ATP8A1: variants seen among roughly 807,000 people sequenced by gnomAD.
ATP8A1 encodes phospholipid-transporting ATPase IA.
In ATP8A1, 90 loss-of-function variants were observed where a neutral mutation model predicts 177.7. The observed-to-expected ratio is 0.51, with a 90% CI of 0.43 to 0.60. The LOEUF is 0.60. ATP8A1 is among the 20% of genes least tolerant of loss of function. The pLI, the probability that ATP8A1 is intolerant of heterozygous loss-of-function variation, is 0.00. For missense variants in ATP8A1, 1,072 were observed against 1,392.8 expected, an observed-to-expected ratio of 0.77 and a Z score of 3.67; for synonymous variants, 493 against 485.9, an observed-to-expected ratio of 1.01 and a Z score of -0.19.
rs117772721 is a variant in ATP8A1 at position 42,511,178 on chromosome 4, T to C, written c.1948-4024A>G. Among the ~76,000 whole-genome samples, 22 of 152,226 alleles carry C rather than the reference T, an allele frequency of 1.4e-4. No individual in the cohort carries two copies. In the East Asian group the frequency reaches 4.1e-3, roughly 28 times the overall value. Reference sequence around the variant, plus strand: ...CCTTTTGCCCTGGTATCATTTATGGTGAGATCAGAATCTTGAGTGATGGGC... The same window carrying C: ...CCTTTTGCCCTGGTATCATTTATGGCGAGATCAGAATCTTGAGTGATGGGC... On this transcript the variant is annotated intron_variant, in intron 22 of 36. Transcript: ENST00000381668.
At chr4:42,634,250 C>T (rs913284613) in intron 1 of ATP8A1, among the ~76,000 whole-genome samples, 3 of 152,200 alleles carry the variant, frequency 2.0e-5, no homozygotes, top group Admixed American at 1.3e-4. Context: ...CATAGTACTA[C>T]TGCCTGGTGC....
rs2153199456 is a variant in ATP8A1, at chr4:42,524,839, T to C, written c.1731A>G (p.Val577=). 6.2e-7 allele frequency: 1 copy of C among 1,606,810 alleles called. No homozygotes were observed. The change falls in exon 21 of 37, where the codon GTA becomes GTG. Residue 577 remains valine (V), a synonymous_variant. Transcript: ENST00000381668. The stretch of plus-strand genomic sequence containing the variant: ...ACGTCTCTGCCAGTCGATCATAAAT[T>C]ACAGTGTCCTGGAAAACAAACAGAG... ...LRLYCKGADT[V]IYDRLAETSK...
At chr4:42,432,233 T>C (rs1287030115) in intron 33 of ATP8A1, among the ~76,000 whole-genome samples, 1 of 152,070 alleles carries the variant, frequency 6.6e-6, no homozygotes, top group Non-Finnish European at 1.5e-5. Flanking sequence ...ACTGGAGAAA[T>C]CCACAACTTT....
At chr4:42,469,660 C>T (rs1023255798) in intron 25 of ATP8A1, among the ~76,000 whole-genome samples, 1 of 152,084 alleles carries the variant, frequency 6.6e-6, no homozygotes, top group East Asian at 1.9e-4. Flanking sequence ...TTGACTTGGC[C>T]TTTGAAAGGA....
intron 33 of ATP8A1, among the ~76,000 whole-genome samples, chr4:42,442,897 T>G (rs900050656): frequency 7.2e-5 from 11 of 152,210 alleles, no homozygotes; most frequent in Admixed American, 6.5e-4. Context: ...ATACATTTTA[T>G]GTCAAATTTC....
At chr4:42,573,502 T>C (rs1732110796) in intron 14 of ATP8A1, among the ~76,000 whole-genome samples, 1 of 152,126 alleles carries the variant, frequency 6.6e-6, no homozygotes, top group Non-Finnish European at 1.5e-5. Context: ...AGAAGAAAGA[T>C]GAAAAACAGC....
chr4:42,555,126 TATCTATCTATCTA>T (rs1412931457), intron 16 of ATP8A1, among the ~76,000 whole-genome samples: 161 of 79,830 alleles, frequency 2.0e-3, no homozygotes, highest in East Asian at 4.7e-3. Context: ...TCTATCTATC[TATCTATCTATCTA>T]ATCTATCTAT....
chr4:42,445,484 T>C lies in ATP8A1; in HGVS notation c.2959-850A>G, dbSNP rs375938035. On this transcript the variant is annotated intron_variant, in intron 31 of 36. Transcript: ENST00000381668. ...ATGGAATATTATTTATTTATAATAA[T>C]ACAATCTTAAATATTGTTAGTCGTC... Among the ~76,000 whole-genome samples, 24 of 152,324 alleles carry C rather than the reference T, an allele frequency of 1.6e-4. No individual in the cohort carries two copies. In the South Asian group the frequency reaches 4.3e-3, roughly 28 times the overall value.
intron 1 of ATP8A1, among the ~76,000 whole-genome samples, chr4:42,631,583 T>C (rs575721816): frequency 2.6e-5 from 4 of 152,300 alleles, no homozygotes; most frequent in Admixed American, 2.6e-4. Context: ...TAAAAGTTTG[T>C]TGCAATATCT....
chr4:42,460,379 C>CTTTTTTT, intron 27 of ATP8A1, among the ~76,000 whole-genome samples: 1 of 94,542 alleles, frequency 1.1e-5, no homozygotes, highest in Non-Finnish European at 2.0e-5. Context: ...ATGGATGGAT[C>CTTTTTTT]TTTTTTTTTT....
chr4:42,543,890 C>T (rs774493476), intron 20 of ATP8A1, 27 bp downstream of exon 20: 1 of 1,517,144 alleles, frequency 6.6e-7, no homozygotes, highest in Non-Finnish European at 9.0e-7. Context: ...TAAATTATAA[C>T]TGTAAAAAAT....
intron 1 of ATP8A1, among the ~76,000 whole-genome samples, chr4:42,635,651 A>T (rs1739194423): frequency 6.6e-6 from 1 of 151,344 alleles, no homozygotes; most frequent in African/African-American, 2.4e-5. Flanking sequence ...AAGGCTTAAT[A>T]ATTGAAAGTC....
intron 21 of ATP8A1, 28 bp downstream of exon 21, chr4:42,524,735 T>C (rs1458449599): frequency 1.4e-6 from 2 of 1,437,332 alleles, no homozygotes; most frequent in Admixed American, 1.7e-5. Flanking sequence ...TGTATTTTAA[T>C]CATGCTTTAT....
chr4:42,437,892 G>A (rs751969723), intron 33 of ATP8A1, among the ~76,000 whole-genome samples: 2 of 152,154 alleles, frequency 1.3e-5, no homozygotes, highest in African/African-American at 2.4e-5. Context: ...CAGAATGAGC[G>A]GAAGCAAAAG....
chr4:42,637,741 C>T (rs1254174983), intron 1 of ATP8A1, among the ~76,000 whole-genome samples: 1 of 152,186 alleles, frequency 6.6e-6, no homozygotes, highest in African/African-American at 2.4e-5. Context: ...CCTCACCTCT[C>T]CCTTTAACTC....
chr4:42,611,597 C>A (rs550781667), intron 5 of ATP8A1, among the ~76,000 whole-genome samples: 1 of 143,580 alleles, frequency 7.0e-6, no homozygotes, highest in East Asian at 1.9e-4. Flanking sequence ...TTAGTTTGCA[C>A]CTGAACTCCA....
At chr4:42,583,120 C>G (rs1437508627) in intron 9 of ATP8A1, among the ~76,000 whole-genome samples, 1 of 152,162 alleles carries the variant, frequency 6.6e-6, no homozygotes, top group Non-Finnish European at 1.5e-5. Context: ...GCTGCTCTGG[C>G]CCAGTAGGCT....
At chr4:42,621,668 T>A (rs1737474824) in intron 4 of ATP8A1, among the ~76,000 whole-genome samples, 1 of 152,228 alleles carries the variant, frequency 6.6e-6, no homozygotes, top group Admixed American at 6.5e-5. Context: ...GATTCAATGC[T>A]ATTCCCATTA....
At chr4:42,494,777 A>C (rs1224665289) in intron 24 of ATP8A1, among the ~76,000 whole-genome samples, 2 of 152,198 alleles carry the variant, frequency 1.3e-5, no homozygotes, top group African/African-American at 4.8e-5. Context: ...CTCTTTTATT[A>C]TCTGTATAGT....
Sources: allele counts gnomAD v4.1 joint callset (sites outside exome capture counted in the v4.1 genomes callset), GRCh38; gene constraint gnomAD v4.1.1; transcripts MANE v1.5; gene names NCBI Gene and HGNC (gene_info 2026-07-23, HGNC 2026-07-21).